Variants in CADM2 observed in about 807,000 individuals in gnomAD.
The protein encoded by CADM2 is immunoglobulin superfamily member 4D.
CADM2 carries 12 observed loss-of-function variants against 49.8 expected under a neutral mutation model. The ratio of observed to expected loss-of-function variants is 0.24; its 90% CI spans 0.15 to 0.39. CADM2 has a LOEUF of 0.39. Among genes scored for constraint, CADM2 ranks in the 10% least tolerant of loss-of-function variants. CADM2 has a pLI of 1.00. For missense variants in CADM2, 378 were observed against 492.3 expected, an observed-to-expected ratio of 0.77 and a Z score of 2.20; for synonymous variants, 214 against 175.4, an observed-to-expected ratio of 1.22 and a Z score of -1.74.
At chr3:85,721,682 G>A (rs1157243422) in intron 1 of CADM2, among the ~76,000 whole-genome samples, 1 of 152,216 alleles carries the variant, frequency 6.6e-6, no homozygotes, top group Non-Finnish European at 1.5e-5. Flanking sequence ...CCAAGGTAGT[G>A]CCTGGAAGCT....
intron 1 of CADM2, among the ~76,000 whole-genome samples, chr3:85,282,267 C>CTTT (rs1559757566): frequency 3.5e-5 from 4 of 113,610 alleles, no homozygotes; most frequent in African/African-American, 1.4e-4. Flanking sequence ...TTTTTTTTTG[C>CTTT]CTTTTTTTTT....
intron 1 of CADM2, among the ~76,000 whole-genome samples, chr3:85,094,796 C>A (rs2037732314): frequency 6.6e-6 from 1 of 151,992 alleles, no homozygotes; most frequent in Non-Finnish European, 1.5e-5. Context: ...CCTAGTGGTA[C>A]AAGGTTGGAA....
chr3:85,443,633 A>C (rs1203210500), intron 1 of CADM2, among the ~76,000 whole-genome samples: 2 of 152,096 alleles, frequency 1.3e-5, no homozygotes, highest in Non-Finnish European at 2.9e-5. Flanking sequence ...ACCGATTTGC[A>C]GTTTTCTACA....
chr3:85,233,950 A>G (rs1049605253), intron 1 of CADM2, among the ~76,000 whole-genome samples: 2 of 152,260 alleles, frequency 1.3e-5, no homozygotes, highest in East Asian at 1.9e-4. Context: ...TCAAACCAAT[A>G]TTAGCTAGCT....
intron 1 of CADM2, among the ~76,000 whole-genome samples, chr3:85,604,960 A>C (rs575962954): frequency 6.6e-5 from 10 of 152,128 alleles, no homozygotes; most frequent in East Asian, 3.9e-4. Flanking sequence ...CAAAGGTTTC[A>C]TTTTGTGGAA....
chr3:85,557,234 C>T (rs1027156535), intron 1 of CADM2, among the ~76,000 whole-genome samples: 1 of 151,852 alleles, frequency 6.6e-6, no homozygotes, highest in Admixed American at 6.6e-5. Context: ...TGTATATACA[C>T]ATATATTTAT....
chr3:85,651,984 C>CT lies in CADM2; in HGVS notation c.62-74525dup, dbSNP rs75263402. Among the ~76,000 whole-genome samples the CT allele has an allele frequency of 1.8e-3, 185 of 105,484 alleles. 3 individuals carry two copies. Among genetic ancestry groups the CT allele is most frequent in the African/African-American group, 5.4e-3 (151 of 28,214 alleles). 69.2% of individuals were successfully genotyped at this position (105,484 alleles called of 152,430 possible). ...AGGCGCCTGCCACCACGCCCGGCTA[C>CT]TTTTTTTTTTTTTAATTAGAGACGG... On this transcript the variant is annotated intron_variant, in intron 1 of 9. Transcript: ENST00000383699.
chr3:85,053,583 G>C (rs1388180243), intron 1 of CADM2, among the ~76,000 whole-genome samples: 5 of 151,900 alleles, frequency 3.3e-5, no homozygotes, highest in Non-Finnish European at 2.9e-5. Flanking sequence ...GAGCCATAGA[G>C]ATATTGTATA....
intron 1 of CADM2, among the ~76,000 whole-genome samples, chr3:85,241,265 A>G (rs530557978): frequency 1.3e-5 from 2 of 151,530 alleles, no homozygotes; most frequent in Non-Finnish European, 3.0e-5. Context: ...AGAATATTGA[A>G]AAGCATTTTA....
intron 1 of CADM2, among the ~76,000 whole-genome samples, chr3:85,570,859 G>A (rs2062455017): frequency 1.3e-5 from 2 of 152,202 alleles, no homozygotes; most frequent in South Asian, 4.1e-4. Flanking sequence ...CAAAGATTGT[G>A]TGTGAGTCTA....
At chr3:85,134,434 C>T (rs932543017) in intron 1 of CADM2, among the ~76,000 whole-genome samples, 1 of 152,228 alleles carries the variant, frequency 6.6e-6, no homozygotes, top group South Asian at 2.1e-4. Flanking sequence ...CAATACCACA[C>T]GCTATACTAG....
At chr3:85,196,305 A>G (rs2041342282) in intron 1 of CADM2, among the ~76,000 whole-genome samples, 1 of 152,050 alleles carries the variant, frequency 6.6e-6, no homozygotes, top group South Asian at 2.1e-4. Context: ...GTTAACAAAA[A>G]TAAAAATAAA....
At chr3:85,762,754 A>G (rs961401640) in intron 2 of CADM2, among the ~76,000 whole-genome samples, 6 of 151,520 alleles carry the variant, frequency 4.0e-5, no homozygotes, top group Non-Finnish European at 7.4e-5. Context: ...TGTACTATAT[A>G]GCATCCATAT....
At chr3:85,872,427 T>G (rs1366880700) in intron 3 of CADM2, among the ~76,000 whole-genome samples, 1 of 152,114 alleles carries the variant, frequency 6.6e-6, no homozygotes, top group African/African-American at 2.4e-5. Context: ...TAATTTGATG[T>G]ATATTTTTTC....
In CADM2 at chr3:85,027,646, T is replaced by G. The variant is rs946763233; in HGVS notation, c.61+67978T>G. On this transcript the variant is annotated intron_variant, in intron 1 of 9. Transcript: ENST00000383699. ...TTATTTTGATTCAAAAATCAGAATG[T>G]TTTCAGAATAATAATAAAGTCAAAT... 2.6e-4 allele frequency among the ~76,000 whole-genome samples: 40 copies of G among 152,230 alleles called. 1 individual carries two copies. The highest frequency in any genetic ancestry group is 4.2e-4 in the South Asian group (2 of 4,818).
rs1381379118 is a variant in CADM2 at position 85,246,989 on chromosome 3, A to G, written c.61+287321A>G. 3.3e-5 allele frequency among the ~76,000 whole-genome samples: 5 copies of G among 152,062 alleles called. No individual in the cohort carries two copies. The South Asian group carries it at 6.2e-4, about 19-fold the overall frequency. ...ATTTAACTTACATTTTAATCTCTAT[A>G]TGATATATTGTTGTTTAATCAGATC... On this transcript the variant is annotated intron_variant, in intron 1 of 9. Transcript: ENST00000383699.
intron 8 of CADM2, among the ~76,000 whole-genome samples, chr3:86,004,414 A>G (rs1285137264): frequency 6.6e-6 from 1 of 152,186 alleles, no homozygotes; most frequent in African/African-American, 2.4e-5. Context: ...TCAAAATTTT[A>G]AAAGATCCTG....
intron 1 of CADM2, among the ~76,000 whole-genome samples, chr3:85,526,770 A>C (rs1316445281): frequency 6.6e-6 from 1 of 152,178 alleles, no homozygotes; most frequent in East Asian, 1.9e-4. Flanking sequence ...AATGCCTAAT[A>C]TGTGCAAGAC....
In CADM2 at chr3:85,434,509, TA is replaced by T. The variant is rs1474021917; in HGVS notation, c.62-292008del. 2.6e-5 allele frequency among the ~76,000 whole-genome samples: 4 copies of T among 152,070 alleles called. No individual in the cohort carries two copies. The South Asian group carries it at 8.3e-4, about 32-fold the overall frequency. On this transcript the variant is annotated intron_variant, in intron 1 of 9. Transcript: ENST00000383699. ...GTTATACACATTGGGAATACAGTTA[TA>T]AAAATCAAATTATTGCTTTATTTAT...
Sources: gnomAD v4.1 joint callset for allele counts (sites outside exome capture counted in the v4.1 genomes callset) on GRCh38, gnomAD v4.1.1 for gene constraint, MANE v1.5 for transcripts, NCBI Gene and HGNC (gene_info 2026-07-23, HGNC 2026-07-21) for gene names.